The following ADGRL3 variants were observed in gnomAD, a reference collection of about 807,000 sequenced individuals.
ADGRL3 encodes adhesion G protein-coupled receptor L3.
A neutral mutation model predicts 153.5 loss-of-function variants in ADGRL3; 62 were observed. The observed-to-expected ratio is 0.40, with a 90% CI of 0.33 to 0.50. The LOEUF (loss-of-function observed/expected upper bound fraction) is 0.50, where lower values mean the gene tolerates loss of function less well. Ranked by LOEUF, ADGRL3 falls within the 20% of genes least tolerant of loss-of-function variation. ADGRL3 has a pLI of 0.47. For synonymous variants in ADGRL3, 710 were observed against 672.5 expected (o/e 1.06, Z -0.86); for missense variants, 1,641 against 1,859.4 (o/e 0.88, Z 2.16).
intron 8 of ADGRL3, among the ~76,000 whole-genome samples, chr4:61,750,385 A>T (rs1219132537): frequency 3.3e-5 from 5 of 152,174 alleles, no homozygotes; most frequent in African/African-American, 1.2e-4. Flanking sequence ...TACATTTAGA[A>T]TCCTCGTCTG....
At chr4:61,230,079 T>C (rs920793780) in intron 1 of ADGRL3, among the ~76,000 whole-genome samples, 5 of 152,122 alleles carry the variant, frequency 3.3e-5, no homozygotes, top group African/African-American at 9.7e-5. Flanking sequence ...TATAATGTTA[T>C]AGGGTCACCC....
chr4:61,911,458 G>A (rs2098721425), intron 12 of ADGRL3, among the ~76,000 whole-genome samples: 1 of 152,116 alleles, frequency 6.6e-6, no homozygotes, highest in Non-Finnish European at 1.5e-5. Context: ...TTTGCATGAT[G>A]GGGTAAGGAG....
intron 11 of ADGRL3, among the ~76,000 whole-genome samples, chr4:61,904,679 A>G (rs1274793780): frequency 8.9e-4 from 1 of 1,118 alleles, no homozygotes; most frequent in African/African-American, 1.0e-3. Context: ...ACTACACAGA[A>G]AAAAAAAAAG....
intron 5 of ADGRL3, among the ~76,000 whole-genome samples, chr4:61,608,443 A>G (rs1009034541): frequency 1.4e-4 from 21 of 152,208 alleles, no homozygotes; most frequent in African/African-American, 4.3e-4. Context: ...TAAAAACCAA[A>G]CAAAACCCCA....
chr4:61,728,503 C>G (rs2096386191), intron 6 of ADGRL3, among the ~76,000 whole-genome samples: 1 of 152,004 alleles, frequency 6.6e-6, no homozygotes, highest in African/African-American at 2.4e-5. Flanking sequence ...AGCCTGTCTT[C>G]TCATTAAGTA....
At chr4:61,280,587 G>A (rs906594598) in intron 1 of ADGRL3, among the ~76,000 whole-genome samples, 1 of 151,922 alleles carries the variant, frequency 6.6e-6, no homozygotes, top group Non-Finnish European at 1.5e-5. Context: ...CCCAATGATA[G>A]TTTTGTATTG....
At chr4:61,378,512 AG>A (rs1379152819) in intron 1 of ADGRL3, among the ~76,000 whole-genome samples, 1 of 151,934 alleles carries the variant, frequency 6.6e-6, no homozygotes, top group Non-Finnish European at 1.5e-5. Flanking sequence ...ATTTTTTCGG[AG>A]GATGAGACTT....
rs367549444 is a variant in ADGRL3, at chr4:61,792,131, G to C, written c.1400-21678G>C. On this transcript the variant is annotated intron_variant, in intron 8 of 26. Coordinates refer to ENST00000683033, the MANE Select transcript of ADGRL3 (RefSeq NM_001387552.1). ...ATTTTCTTTTCTATCACATTGTCAG[G>C]CTGCAAACAAACTTTTATGCTCTGC... Among the ~76,000 whole-genome samples the C allele has an allele frequency of 4.6e-5, 7 of 152,276 alleles. 1 individual carries two copies. Among genetic ancestry groups the C allele is most frequent in the South Asian group, 2.1e-4 (1 of 4,824 alleles).
At chr4:61,473,293 G>A (rs1262708241) in intron 2 of ADGRL3, among the ~76,000 whole-genome samples, 3 of 151,894 alleles carry the variant, frequency 2.0e-5, no homozygotes, top group Middle Eastern at 3.4e-3. Flanking sequence ...AAGAAAGATA[G>A]AGATTAGAGG....
chr4:61,738,361 G>GT, intron 8 of ADGRL3, among the ~76,000 whole-genome samples: 1 of 152,064 alleles, frequency 6.6e-6, no homozygotes, highest in Admixed American at 6.6e-5. Flanking sequence ...TTGCAACTGC[G>GT]AATTGTGCTG....
chr4:61,890,928 A>T (rs1408156941), intron 9 of ADGRL3, among the ~76,000 whole-genome samples: 1 of 152,064 alleles, frequency 6.6e-6, no homozygotes, highest in Non-Finnish European at 1.5e-5. Context: ...TTTCTTTTTA[A>T]AACATTTGAT....
intron 1 of ADGRL3, among the ~76,000 whole-genome samples, chr4:61,318,220 A>AAC (rs140779579): frequency 0.077 from 11,198 of 145,400 alleles, 681 homozygotes; most frequent in African/African-American, 0.16. Context: ...AAAAACACAA[A>AAC]ACACACACAC....
intron 2 of ADGRL3, among the ~76,000 whole-genome samples, chr4:61,445,722 C>T (rs929605531): frequency 6.6e-6 from 1 of 152,158 alleles, no homozygotes; most frequent in Non-Finnish European, 1.5e-5. Context: ...TCAGTTGAGT[C>T]ACATTTCTTA....
chr4:62,027,488 C>T (rs1332835959), intron 21 of ADGRL3, among the ~76,000 whole-genome samples: 1 of 151,980 alleles, frequency 6.6e-6, no homozygotes, highest in Admixed American at 6.6e-5. Flanking sequence ...AATAGCCAGA[C>T]ATGACTAGTG....
chr4:61,787,663 CT>C (rs1442248436), intron 8 of ADGRL3, among the ~76,000 whole-genome samples: 1 of 151,938 alleles, frequency 6.6e-6, no homozygotes, highest in South Asian at 2.1e-4. Flanking sequence ...ATATTCTCTT[CT>C]TTTTTGTTTA....
chr4:61,276,945 A>C (rs1055986038), intron 1 of ADGRL3, among the ~76,000 whole-genome samples: 40 of 152,122 alleles, frequency 2.6e-4, no homozygotes, highest in African/African-American at 8.2e-4. Flanking sequence ...TGATTAAAAG[A>C]AATTGGAAAC....
chr4:61,660,027 A>T (rs1019242355), intron 5 of ADGRL3, among the ~76,000 whole-genome samples: 2 of 152,152 alleles, frequency 1.3e-5, no homozygotes, highest in Admixed American at 1.3e-4. Flanking sequence ...TTCAGGGAGC[A>T]CTCTCAAATG....
intron 5 of ADGRL3, among the ~76,000 whole-genome samples, chr4:61,621,071 A>AT (rs1325017806): frequency 1.3e-5 from 2 of 152,092 alleles, no homozygotes; most frequent in Non-Finnish European, 2.9e-5. Context: ...ACAATAAAGT[A>AT]TTTTTAGGAC....
Position 62,075,760 on chromosome 4 carries a change from A to G in ADGRL3, c.*4852A>G, listed in dbSNP as rs1015393000. 7.3e-5 allele frequency: 11 copies of G among 151,280 alleles called. No individual in the cohort carries two copies. Among genetic ancestry groups the G allele is most frequent in the Admixed American group, 1.3e-4 (2 of 15,122 alleles). The allele number at this position is 151,280 out of a possible 1,614,324, so 9.4% of individuals were successfully genotyped here. A position where few individuals can be genotyped will look rare whatever the true frequency, so the allele number is the denominator to read the frequency against. ...AAGCATTTTTGTGCGAATGGATTTT[A>G]CATAAGAAGCTTTTCTGAGCTCATA... On this transcript the variant is annotated 3_prime_UTR_variant, in exon 27 of 27. Transcript: ENST00000683033.
Sources: allele counts gnomAD v4.1 joint callset (sites outside exome capture counted in the v4.1 genomes callset), GRCh38; gene constraint gnomAD v4.1.1; transcripts MANE v1.5; gene names NCBI Gene and HGNC (gene_info 2026-07-23, HGNC 2026-07-21).